HARBI1: variants seen among roughly 807,000 people sequenced by gnomAD.
The protein encoded by HARBI1 is harbinger transposase derived 1, also known as putative nuclease HARBI1.
In HARBI1, 15 loss-of-function variants were observed where a neutral mutation model predicts 25.3. That is an observed-to-expected ratio of 0.59 (90% CI 0.40 to 0.91). The LOEUF is 0.91. Among genes scored for constraint, HARBI1 ranks in the 40% least tolerant of loss-of-function variants. HARBI1 has a pLI of 0.00. For missense variants in HARBI1, 396 were observed against 445.8 expected, an observed-to-expected ratio of 0.89 and a Z score of 1.01; for synonymous variants, 168 against 160.5, an observed-to-expected ratio of 1.05 and a Z score of -0.35.
chr11:46,611,765 C>G (rs1433302035), intron 2 of HARBI1, among the ~76,000 whole-genome samples: 1 of 151,428 alleles, frequency 6.6e-6, no homozygotes, highest in Non-Finnish European at 1.5e-5. Flanking sequence ...AAGAAATCAG[C>G]TTGGAACCCA....
At chr11:46,612,590 A>G (rs2045224098) in intron 2 of HARBI1, among the ~76,000 whole-genome samples, 1 of 152,174 alleles carries the variant, frequency 6.6e-6, no homozygotes, top group Non-Finnish European at 1.5e-5. Context: ...GTGAGTTGCT[A>G]CAATAAGAAT....
intron 1 of HARBI1, chr11:46,616,601 G>A: frequency 9.7e-7 from 1 of 1,026,512 alleles, no homozygotes; most frequent in Non-Finnish European, 1.2e-6. Flanking sequence ...TTAATGCTTG[G>A]CATTTCAATT....
intron 2 of HARBI1, among the ~76,000 whole-genome samples, chr11:46,615,061 C>T (rs1031893910): frequency 4.8e-5 from 7 of 146,592 alleles, no homozygotes; most frequent in South Asian, 2.2e-4. Context: ...TGCAGGCATG[C>T]GCTACTACGC....
Position 46,603,409 on chromosome 11 carries a change from G to T in HARBI1, c.*121C>A. 1.1e-6 allele frequency: 1 copy of T among 881,590 alleles called. No individual in the cohort carries two copies. The highest frequency in any genetic ancestry group is 1.8e-6 in the Non-Finnish European group (1 of 569,898). 54.6% of individuals were successfully genotyped at this position (881,590 alleles called of 1,614,324 possible). ...CCTTACCAAAACACACATATTAAATGTCAGTTTATGACAAGTATCTGTATA... is the reference window on the plus strand; with the variant it reads ...CCTTACCAAAACACACATATTAAATTTCAGTTTATGACAAGTATCTGTATA... On this transcript the variant is annotated 3_prime_UTR_variant, in exon 3 of 3. Transcript: ENST00000326737.
Position 46,613,479 on chromosome 11 carries a change from C to CTTTT in HARBI1, c.670+2085_670+2088dup, listed in dbSNP as rs541300001. 5.0e-4 allele frequency among the ~76,000 whole-genome samples: 58 copies of CTTTT among 115,176 alleles called. 1 individual carries two copies. Among genetic ancestry groups the CTTTT allele is most frequent in the African/African-American group, 1.4e-3 (40 of 29,282 alleles). 75.6% of individuals were successfully genotyped at this position (115,176 alleles called of 152,430 possible). A position where few individuals can be genotyped will look rare whatever the true frequency, so the allele number is the denominator to read the frequency against. On this transcript the variant is annotated intron_variant, in intron 2 of 2. Coordinates refer to ENST00000326737, the MANE Select transcript of HARBI1 (RefSeq NM_173811.4). ...TGGACAGTCCTGATAAGTATGTTGG[C>CTTTT]TTTTTTTTTTTTTTTTTTTTTGAGA...
chr11:46,617,539 C>CT (rs2045668618), upstream of HARBI1: 1 of 116,856 alleles, frequency 8.6e-6, no homozygotes. Context: ...AGCCCTCTTT[C>CT]ACCCCCCCCC....
intron 2 of HARBI1, among the ~76,000 whole-genome samples, chr11:46,605,542 T>G (rs2044906549): frequency 6.6e-6 from 1 of 151,686 alleles, no homozygotes; most frequent in South Asian, 2.1e-4. Context: ...CTCACAAAAT[T>G]TTCAAATTTA....
At chr11:46,612,966 C>G (rs1254980058) in intron 2 of HARBI1, among the ~76,000 whole-genome samples, 1 of 143,306 alleles carries the variant, frequency 7.0e-6, no homozygotes, top group African/African-American at 2.6e-5. Context: ...GCCACCACAC[C>G]CGGATTTTTT....
intron 2 of HARBI1, among the ~76,000 whole-genome samples, chr11:46,609,631 C>T (rs35623865): frequency 0.21 from 32,550 of 151,668 alleles, 4,234 homozygotes; most frequent in African/African-American, 0.37. Context: ...AATCAGTTTC[C>T]ACATCTTCAA....
At chr11:46,611,030 CAG>C (rs1396600310) in intron 2 of HARBI1, among the ~76,000 whole-genome samples, 1 of 109,674 alleles carries the variant, frequency 9.1e-6, no homozygotes, top group Non-Finnish European at 1.7e-5. Context: ...TTTTTTGAGA[CAG>C]AGTCTTGCTC....
Position 46,614,737 on chromosome 11 carries a change from G to A in HARBI1, c.670+831C>T, listed in dbSNP as rs143033571. Reference sequence around the variant, plus strand: ...TTACAATTACCAGTTGTACTAGTACGTGCCACTGTGCTGGCTCTAACAGTA... The same window carrying A: ...TTACAATTACCAGTTGTACTAGTACATGCCACTGTGCTGGCTCTAACAGTA... On this transcript the variant is annotated intron_variant, in intron 2 of 2. Coordinates refer to ENST00000326737, the MANE Select transcript of HARBI1 (RefSeq NM_173811.4). Among the ~76,000 whole-genome samples the A allele has an allele frequency of 7.3e-3, 1,105 of 152,192 alleles. 22 individuals are homozygous for A. Among genetic ancestry groups the A allele is most frequent in the African/African-American group, 0.026 (1,071 of 41,528 alleles).
chr11:46,612,702 T>A (rs1365097559), intron 2 of HARBI1, among the ~76,000 whole-genome samples: 1 of 151,130 alleles, frequency 6.6e-6, no homozygotes, highest in Non-Finnish European at 1.5e-5. Flanking sequence ...CAGAGTTTCG[T>A]TCTTGTTGCC....
At chr11:46,604,814 A>G (rs1198572403) in intron 2 of HARBI1, 3 of 470,878 alleles carry the variant, frequency 6.4e-6, no homozygotes, top group Non-Finnish European at 8.3e-6. Flanking sequence ...CATACATATA[A>G]TCATGCAAAT....
intron 2 of HARBI1, among the ~76,000 whole-genome samples, chr11:46,611,854 T>C (rs1003023531): frequency 6.4e-4 from 98 of 152,202 alleles, no homozygotes; most frequent in African/African-American, 2.3e-3. Context: ...TGGTGTGAGT[T>C]GTATGAAAAT....
In HARBI1 at chr11:46,603,367, T is replaced by C; in HGVS notation, c.*163A>G. Reference sequence around the variant, plus strand: ...ATGCATATGCAAATGAATCAAGATATTCTGGCATAGCCCCAACCTTACCAA... The same window carrying C: ...ATGCATATGCAAATGAATCAAGATACTCTGGCATAGCCCCAACCTTACCAA... On this transcript the variant is annotated 3_prime_UTR_variant, in exon 3 of 3. Transcript: ENST00000326737. 1.6e-6 allele frequency: 1 copy of C among 642,666 alleles called. No homozygotes were observed. Among genetic ancestry groups the C allele is most frequent in the Non-Finnish European group, 2.6e-6 (1 of 379,124 alleles). 39.8% of individuals were successfully genotyped at this position (642,666 alleles called of 1,614,324 possible).
chr11:46,603,717 G>A lies in HARBI1; in HGVS notation c.863C>T (p.Ser288Phe), dbSNP rs773103636. Residue 288 changes from serine to phenylalanine, a missense_variant, in exon 3 of 3, where the codon TCC (serine) becomes TTC (phenylalanine). Coordinates refer to ENST00000326737, the MANE Select transcript of HARBI1 (RefSeq NM_173811.4). ...ACAACAGGCCAAGATGATATGGCTG[G>A]ATTTCTCTGGTGAGTACTGCAGTGC... ...KGALQYSPEKSSHIILACCVL... is the reference protein window; with the variant it reads ...KGALQYSPEKFSHIILACCVL... The A allele has an allele frequency of 1.9e-6, 3 of 1,614,186 alleles. No individual in the cohort carries two copies. Among genetic ancestry groups the A allele is most frequent in the Non-Finnish European group, 2.5e-6 (3 of 1,180,028 alleles).
chr11:46,612,026 C>T (rs898577407), intron 2 of HARBI1, among the ~76,000 whole-genome samples: 1 of 152,182 alleles, frequency 6.6e-6, no homozygotes, highest in Non-Finnish European at 1.5e-5. Context: ...CTACACCCAT[C>T]AGTGTAGTCT....
chr11:46,606,497 G>A (rs954876735), intron 2 of HARBI1, among the ~76,000 whole-genome samples: 1 of 151,284 alleles, frequency 6.6e-6, no homozygotes, highest in Non-Finnish European at 1.5e-5. Flanking sequence ...ATTTTTAGTA[G>A]AGATGGGGAT....
Position 46,617,124 on chromosome 11 carries a change from C to T in HARBI1, c.-145G>A. On this transcript the variant is annotated splice_region_variant and 5_prime_UTR_variant, in exon 1 of 3. Coordinates refer to ENST00000326737, the MANE Select transcript of HARBI1 (RefSeq NM_173811.4). ...CAGTTAGCCCAGGCCCGTCACCCACCTCTCCGCGGCTGCCAGGTTACCAGC... is the reference window on the plus strand; with the variant it reads ...CAGTTAGCCCAGGCCCGTCACCCACTTCTCCGCGGCTGCCAGGTTACCAGC... The T allele has an allele frequency of 2.2e-6, 1 of 451,850 alleles. No individual in the cohort carries two copies. Among genetic ancestry groups the T allele is most frequent in the Non-Finnish European group, 2.9e-6 (1 of 342,508 alleles). 28.0% of individuals were successfully genotyped at this position (451,850 alleles called of 1,614,324 possible).
Sources: allele counts gnomAD v4.1 joint callset (sites outside exome capture counted in the v4.1 genomes callset), GRCh38; gene constraint gnomAD v4.1.1; transcripts MANE v1.5; gene names NCBI Gene and HGNC (gene_info 2026-07-23, HGNC 2026-07-21).